SLC23A1: variants seen among roughly 807,000 people sequenced by gnomAD.
SLC23A1 encodes solute carrier family 23 member 1.
SLC23A1 carries 31 observed loss-of-function variants against 62.5 expected under a neutral mutation model. The ratio of observed to expected loss-of-function variants is 0.50; its 90% CI spans 0.37 to 0.67. The LOEUF (loss-of-function observed/expected upper bound fraction) is 0.67. Ranked by LOEUF, SLC23A1 falls within the 30% of genes least tolerant of loss-of-function variation. SLC23A1 has a pLI of 0.00. For missense variants in SLC23A1, 640 were observed against 782.7 expected (o/e 0.82, Z 2.18); for synonymous variants, 271 against 313.2 (o/e 0.87, Z 1.42).
At chr5:139,381,731 A>G (rs1758270985) in intron 3 of SLC23A1, among the ~76,000 whole-genome samples, 161 bp downstream of exon 3, 1 of 151,414 alleles carries the variant, frequency 6.6e-6, no homozygotes, top group Admixed American at 6.6e-5. Flanking sequence ...GGTTGGGGCC[A>G]CGCTGCCCAG....
intron 2 of SLC23A1, 116 bp from the exon 3 acceptor site, chr5:139,382,165 G>T: frequency 3.9e-6 from 4 of 1,022,324 alleles, no homozygotes; most frequent in Non-Finnish European, 5.8e-6. Flanking sequence ...TGCCTGCCCA[G>T]GACTGGCAGT....
Position 139,379,244 on chromosome 5 carries a change from C to T in SLC23A1, c.1036G>A (p.Ala346Thr), listed in dbSNP as rs774901861. The T allele has an allele frequency of 6.2e-7, 1 of 1,614,164 alleles. No homozygotes were observed. The highest frequency in any genetic ancestry group is 8.5e-7 in the Non-Finnish European group (1 of 1,180,008). Residue 346 changes from alanine to threonine, a missense_variant, in exon 9 of 15, where the codon GCT (alanine) becomes ACT (threonine). Transcript: ENST00000348729. The surrounding 1 kb of genome is among the most constrained non-coding windows in gnomAD (Gnocchi z 4.7). ...TGTACTGGAGGGGGTGGTGCACCAG[C>T]CAGGCGGGCACAGGCGTAGTAATCT... The part of the protein sequence containing the change: ...IGDYYACARL[A>T]GAPPPPVHAI...
chr5:139,380,436 C>G, intron 5 of SLC23A1, 47 bp from the exon 6 acceptor site: 1 of 1,610,344 alleles, frequency 6.2e-7, no homozygotes, highest in Non-Finnish European at 8.5e-7. Context: ...AAGGTCATGA[C>G]CTGGCTGCTG....
Position 139,379,537 on chromosome 5 carries a change from T to A in SLC23A1, c.925+141A>T. The A allele has an allele frequency of 9.5e-7, 1 of 1,054,794 alleles. No individual in the cohort carries two copies. Among genetic ancestry groups the A allele is most frequent in the Non-Finnish European group, 1.4e-6 (1 of 693,956 alleles). 65.3% of individuals were successfully genotyped at this position (1,054,794 alleles called of 1,614,324 possible). On this transcript the variant is annotated intron_variant, in intron 8 of 14. Transcript: ENST00000348729. The surrounding 1 kb of genome is among the most constrained non-coding windows in gnomAD (Gnocchi z 4.7). ...CAGGAAGTGGGACTGAAGCTTTGTC[T>A]AAGTAAAACACCACTCTGCTGGGCG...
Position 139,380,083 on chromosome 5 carries a change from G to A in SLC23A1, c.648-7C>T. ...GATGATCAGGAGAATGGAGCTGGGG[G>A]CAGAGGCACAATCAGGAAGTGGATG... On this transcript the variant is annotated splice_region_variant and splice_polypyrimidine_tract_variant and intron_variant, in intron 6 of 14. Coordinates refer to ENST00000348729, the MANE Select transcript of SLC23A1 (RefSeq NM_005847.5). 1.2e-6 allele frequency: 2 copies of A among 1,605,078 alleles called. No individual in the cohort carries two copies. Among genetic ancestry groups the A allele is most frequent in the Non-Finnish European group, 1.7e-6 (2 of 1,175,530 alleles).
intron 14 of SLC23A1, among the ~76,000 whole-genome samples, chr5:139,370,470 CTTTATTTA>C (rs70982775): frequency 0.13 from 18,202 of 140,212 alleles, 3,588 homozygotes; most frequent in African/African-American, 0.43. Flanking sequence ...CGCACCCAGC[CTTTATTTA>C]TTTATTTATT....
At chr5:139,374,261 G>A (rs1757833901) in intron 13 of SLC23A1, among the ~76,000 whole-genome samples, 1 of 152,124 alleles carries the variant, frequency 6.6e-6, no homozygotes, top group African/African-American at 2.4e-5. Flanking sequence ...GATAGGTAAA[G>A]ACAAAGAGCA....
intron 13 of SLC23A1, among the ~76,000 whole-genome samples, chr5:139,376,629 G>A (rs1033375774): frequency 1.3e-5 from 2 of 152,146 alleles, no homozygotes; most frequent in Admixed American, 6.6e-5. Context: ...ATCTTTATGC[G>A]GGCCCCACAA....
intron 13 of SLC23A1, among the ~76,000 whole-genome samples, chr5:139,372,773 C>A (rs1379866460): frequency 6.6e-6 from 1 of 151,894 alleles, no homozygotes; most frequent in Admixed American, 6.6e-5. Flanking sequence ...TTAGTAGAGA[C>A]GGGGTGTCAC....
Position 139,372,271 on chromosome 5 carries a change from G to A in SLC23A1, c.1550-18C>T. 1.2e-6 allele frequency: 2 copies of A among 1,603,782 alleles called. No individual in the cohort carries two copies. Among genetic ancestry groups the A allele is most frequent in the Non-Finnish European group, 1.7e-6 (2 of 1,173,642 alleles). Reference sequence around the variant, plus strand: ...TGGGCTCCCTGGAAGAGGATAGTGAGGTCATTTACCAAGGCCAGCAACCCT... The same window carrying A: ...TGGGCTCCCTGGAAGAGGATAGTGAAGTCATTTACCAAGGCCAGCAACCCT... On this transcript the variant is annotated intron_variant, in intron 13 of 14. Coordinates refer to ENST00000348729, the MANE Select transcript of SLC23A1 (RefSeq NM_005847.5).
At chr5:139,373,335 G>A (rs1046624024) in intron 13 of SLC23A1, among the ~76,000 whole-genome samples, 1 of 151,968 alleles carries the variant, frequency 6.6e-6, no homozygotes, top group South Asian at 2.1e-4. Context: ...GACCCACCAC[G>A]CCCGGCTAAT....
chr5:139,373,860 CTA>C (rs763707453), intron 13 of SLC23A1, among the ~76,000 whole-genome samples: 11 of 152,172 alleles, frequency 7.2e-5, no homozygotes, highest in Non-Finnish European at 1.6e-4. Context: ...TGGCGTAGGA[CTA>C]TGTTTCTGGT....
chr5:139,380,802 C>CG lies in SLC23A1; in HGVS notation c.392dup (p.Glu132GlyfsTer7), dbSNP rs764569012. On this transcript the variant is annotated frameshift_variant, in exon 4 of 15. Coordinates refer to ENST00000348729, the MANE Select transcript of SLC23A1 (RefSeq NM_005847.5). LOFTEE classifies it high-confidence loss of function. ...AGACCCCAGAAGTGTACCCACCTTCCGGGGGGCATTTCCATCTCTCCAGAG... is the reference window on the plus strand; with the variant it reads ...AGACCCCAGAAGTGTACCCACCTTCCGGGGGGGCATTTCCATCTCTCCAGAG... 6 of 1,558,130 alleles carry CG rather than the reference C, an allele frequency of 3.9e-6. No homozygotes were observed. The highest frequency in any genetic ancestry group is 5.2e-6 in the Non-Finnish European group (6 of 1,145,494).
chr5:139,380,464 C>T, intron 5 of SLC23A1, 75 bp from the exon 6 acceptor site: 1 of 1,597,202 alleles, frequency 6.3e-7, no homozygotes, highest in South Asian at 1.1e-5. Flanking sequence ...GAACAAAGCT[C>T]CTGGACCACC....
intron 12 of SLC23A1, 77 bp from the exon 13 acceptor site, chr5:139,377,574 G>T (rs1196500920): frequency 5.0e-6 from 4 of 806,914 alleles, no homozygotes; most frequent in Admixed American, 3.7e-5. Context: ...CTCTTGTGCA[G>T]CTATGGCAAA....
chr5:139,384,364 G>T, upstream of SLC23A1: 2 of 1,286,798 alleles, frequency 1.6e-6, no homozygotes, highest in South Asian at 2.5e-5. Flanking sequence ...CTACTTCTGG[G>T]TCGCTGTGCC....
At position 139,378,072 on chromosome 5, in the gene SLC23A1, C is replaced by G. The variant is rs756885718; in HGVS notation, c.1356G>C (p.Met452Ile). ...GCACGAAGAGGTTGCGAGAGGAGTT[C>G]ATGTCCACAAATTGCAGGTTGGACA... is the stretch of plus-strand genomic sequence containing the variant. Reference protein sequence around the residue: ...VGLSNLQFVDMNSSRNLFVLG... With the variant: ...VGLSNLQFVDINSSRNLFVLG... The change falls in exon 12 of 15, where the codon ATG becomes ATC. Residue 452 changes from methionine (M) to isoleucine (I), a missense_variant. Transcript: ENST00000348729. The surrounding 1 kb of genome is among the most constrained non-coding windows in gnomAD (Gnocchi z 4.5). 17 of 1,614,084 alleles carry G rather than the reference C, an allele frequency of 1.1e-5. No homozygotes were observed. The highest frequency in any genetic ancestry group is 1.4e-5 in the Non-Finnish European group (17 of 1,180,038).
Position 139,378,644 on chromosome 5 carries a change from G to C in SLC23A1, c.1114C>G (p.Leu372Val). ...TEGICCIIAG[L>V]LGTGNGSTSS... The stretch of plus-strand genomic sequence containing the variant: ...GTGGACCCGTTGCCCGTGCCCAATA[G>C]CCCCGCGATGATGCAGCAAATGCCT... The change falls in exon 10 of 15, where the codon CTA (leucine) becomes GTA (valine). Residue 372 changes from leucine to valine, a missense_variant. Leu to Val is a conservative substitution (Grantham distance 32). Transcript: ENST00000348729. The surrounding 1 kb of genome is among the most constrained non-coding windows in gnomAD (Gnocchi z 4.5). 1 of 1,612,296 alleles carries C rather than the reference G, an allele frequency of 6.2e-7. No individual in the cohort carries two copies. Among genetic ancestry groups the C allele is most frequent in the Non-Finnish European group, 8.5e-7 (1 of 1,179,308 alleles).
At chr5:139,380,460 A>G (rs550406220) in intron 5 of SLC23A1, 71 bp from the exon 6 acceptor site, 1 of 1,599,418 alleles carries the variant, frequency 6.3e-7, no homozygotes, top group East Asian at 2.2e-5. Context: ...GCAGGAACAA[A>G]GCTCCTGGAC....
Sources: gnomAD v4.1 joint callset for allele counts (sites outside exome capture counted in the v4.1 genomes callset) on GRCh38, gnomAD v4.1.1 for gene constraint, Gnocchi (gnomAD v3.1) non-coding constraint, MANE v1.5 for transcripts, NCBI Gene and HGNC (gene_info 2026-07-23, HGNC 2026-07-21) for gene names.